Variants in CASK observed in about 807,000 individuals in gnomAD.
The protein encoded by CASK is calcium/calmodulin dependent serine protein kinase.
Under a neutral mutation model 82.9 loss-of-function variants are expected in CASK, and 4 were observed. The observed-to-expected ratio is 0.05, with a 90% CI of 0.02 to 0.11. CASK has a LOEUF of 0.11. Among genes scored for constraint, CASK ranks in the 10% least tolerant of loss-of-function variants. The probability of loss-of-function intolerance (pLI) is 1.00; values close to 1 mark genes in which losing one functional copy is unlikely to be tolerated. For synonymous variants in CASK, 259 were observed against 253.5 expected, an observed-to-expected ratio of 1.02 and a Z score of -0.20; for missense variants, 358 against 720.9, an observed-to-expected ratio of 0.50 and a Z score of 5.76.
intron 1 of CASK, among the ~76,000 whole-genome samples, chrX:41,864,841 T>TA (rs1256492238): frequency 8.9e-6 from 1 of 111,876 alleles, no homozygotes; most frequent in African/African-American, 3.3e-5. Context: ...AAAAAACACT[T>TA]AACACAAAGG....
At chrX:41,820,887 G>C (rs188255490) in intron 2 of CASK, among the ~76,000 whole-genome samples, 2 of 111,097 alleles carry the variant, frequency 1.8e-5, no homozygotes, top group Admixed American at 1.9e-4. Flanking sequence ...AATAGTGCTG[G>C]AGCGAATGGC....
intron 2 of CASK, among the ~76,000 whole-genome samples, chrX:41,824,126 C>T (rs1007546067): frequency 6.3e-5 from 7 of 111,730 alleles, no homozygotes; most frequent in African/African-American, 2.0e-4. Flanking sequence ...GAAGCAAAAA[C>T]GTGGGCATTT....
chrX:41,771,552 G>T (rs1032227373), intron 3 of CASK, among the ~76,000 whole-genome samples: 5 of 111,455 alleles, frequency 4.5e-5, no homozygotes, highest in Admixed American at 9.6e-5. Context: ...GTCAAGGAAG[G>T]AATTATATAA....
intron 3 of CASK, among the ~76,000 whole-genome samples, chrX:41,757,450 T>C (rs1263597206): frequency 5.4e-5 from 6 of 112,103 alleles, no homozygotes; most frequent in Non-Finnish European, 1.1e-4. Flanking sequence ...TCCAATGAAC[T>C]TATGAGGCCC....
chrX:41,611,101 G>C (rs781514318), intron 11 of CASK, among the ~76,000 whole-genome samples: 1 of 111,700 alleles, frequency 9.0e-6, no homozygotes, highest in African/African-American at 3.3e-5. Context: ...TATCTAGTGG[G>C]TAGAGGTCAG....
chrX:41,912,300 GTTTTTTTTTTT>G (rs774775542), intron 1 of CASK, among the ~76,000 whole-genome samples: 1 of 53,170 alleles, frequency 1.9e-5, no homozygotes, highest in Non-Finnish European at 3.4e-5. Flanking sequence ...TTTGTTTTCT[GTTTTTTTTTTT>G]TTTTTTTTTT....
At chrX:41,822,584 A>G (rs1338964323) in intron 2 of CASK, among the ~76,000 whole-genome samples, 1 of 100,327 alleles carries the variant, frequency 1.0e-5, no homozygotes. Flanking sequence ...AAAAAAAAAG[A>G]AAAAAGAAAG....
chrX:41,746,685 A>C (rs1264397159), intron 3 of CASK, among the ~76,000 whole-genome samples: 1 of 111,940 alleles, frequency 8.9e-6, no homozygotes, highest in Non-Finnish European at 1.9e-5. Flanking sequence ...TCAGTTTCCC[A>C]ATATACCTGC....
intron 19 of CASK, 23 bp downstream of exon 19, chrX:41,557,009 C>G (rs1156390879): frequency 9.4e-6 from 11 of 1,170,157 alleles, no homozygotes; most frequent in Non-Finnish European, 1.2e-5. Context: ...TCACACTTTG[C>G]TGTGTGGAGC....
chrX:41,544,916 T>G (rs1399708401), intron 21 of CASK, among the ~76,000 whole-genome samples: 1 of 111,065 alleles, frequency 9.0e-6, no homozygotes, highest in Non-Finnish European at 1.9e-5. Context: ...AAAAAATAAA[T>G]AAAAATAAAA....
intron 8 of CASK, among the ~76,000 whole-genome samples, chrX:41,637,021 C>T (rs1205420280): frequency 9.1e-6 from 1 of 110,465 alleles, no homozygotes; most frequent in Non-Finnish European, 1.9e-5. Flanking sequence ...TGCAGTGGCA[C>T]AATCATACCT....
At chrX:41,731,784 G>A (rs1406470352) in intron 5 of CASK, among the ~76,000 whole-genome samples, 1 of 110,058 alleles carries the variant, frequency 9.1e-6, no homozygotes, top group Non-Finnish European at 1.9e-5. Context: ...TTCTGTTTTT[G>A]GAGACAGGGT....
chrX:41,681,430 T>C (rs2147522382), intron 5 of CASK, among the ~76,000 whole-genome samples: 1 of 112,049 alleles, frequency 8.9e-6, no homozygotes, highest in African/African-American at 3.2e-5. Context: ...TATACTACTG[T>C]AATAATTTCA....
intron 5 of CASK, among the ~76,000 whole-genome samples, chrX:41,678,937 C>T (rs1393534284): frequency 9.5e-6 from 1 of 105,761 alleles, no homozygotes; most frequent in Admixed American, 1.0e-4. Flanking sequence ...AAAAAAAAAG[C>T]CAGTTTTGGT....
intron 12 of CASK, among the ~76,000 whole-genome samples, chrX:41,590,692 T>C (rs1275868402): frequency 1.4e-4 from 16 of 110,805 alleles, no homozygotes; most frequent in African/African-American, 5.2e-4. Context: ...CTTTGAAAAG[T>C]GAAAAGTTAA....
At chrX:41,628,886 C>T (rs1182682759) in intron 9 of CASK, among the ~76,000 whole-genome samples, 7 of 111,904 alleles carry the variant, frequency 6.3e-5, no homozygotes, top group Non-Finnish European at 1.1e-4. Context: ...TATCAAATCA[C>T]GTTTCCCACA....
Position 41,727,163 on chromosome X carries a change from A to G in CASK, c.429+12221T>C, listed in dbSNP as rs746708524. 8.3e-6 allele frequency: 10 copies of G among 1,205,448 alleles called. No homozygotes were observed. In the African/African-American group the frequency reaches 1.8e-4, roughly 21 times the overall value. On this transcript the variant is annotated intron_variant, in intron 5 of 26. Transcript: ENST00000378163. ...TGGATATTTTTAACAAAAATAGGTA[A>G]AAAAACATCAACGCACATCTACCTG...
chrX:41,673,920 T>C (rs1340870123), intron 5 of CASK, among the ~76,000 whole-genome samples: 2 of 101,284 alleles, frequency 2.0e-5, no homozygotes, highest in African/African-American at 7.3e-5. Flanking sequence ...ACAGAAAACA[T>C]TGTCCCTGCT....
chrX:41,801,695 T>C (rs928169753), intron 2 of CASK, among the ~76,000 whole-genome samples: 2 of 111,567 alleles, frequency 1.8e-5, no homozygotes, highest in African/African-American at 6.5e-5. Context: ...TGAACCTTTA[T>C]AGGTATGCAG....
Sources: gnomAD v4.1 joint callset for allele counts (sites outside exome capture counted in the v4.1 genomes callset) on GRCh38, gnomAD v4.1.1 for gene constraint, MANE v1.5 for transcripts, NCBI Gene and HGNC (gene_info 2026-07-23, HGNC 2026-07-21) for gene names.